Variants in KLRF1 observed in about 807,000 individuals in gnomAD.
The protein encoded by KLRF1 is killer cell lectin like receptor F1, also known as killer cell lectin-like receptor subfamily F member 1.
A neutral mutation model predicts 30.7 loss-of-function variants in KLRF1; 27 were observed. The observed-to-expected ratio is 0.88, with a 90% confidence interval of 0.65 to 1.21. The LOEUF (loss-of-function observed/expected upper bound fraction) is 1.21, where lower values mean the gene tolerates loss of function less well. KLRF1 is among the 50% of genes most tolerant of loss of function. The probability of loss-of-function intolerance (pLI) is 0.00; values close to 1 mark genes in which losing one functional copy is unlikely to be tolerated. For synonymous variants in KLRF1, 92 were observed against 89.3 expected (o/e 1.03, Z -0.17); for missense variants, 246 against 259.3 (o/e 0.95, Z 0.35).
At chr12:9,813,561 C>T in the KLRF1 span, among the ~76,000 whole-genome samples, 8 of 152,096 alleles carry the variant, frequency 5.3e-5, no homozygotes, top group Non-Finnish European at 1.2e-4. Flanking sequence ...AACATTTTTC[C>T]CCCGAGAGAG....
the KLRF1 span, among the ~76,000 whole-genome samples, chr12:9,805,483 T>C: frequency 6.6e-6 from 1 of 152,054 alleles, no homozygotes; most frequent in Non-Finnish European, 1.5e-5. Context: ...CACCTTTTAA[T>C]ACTATTGCGT....
the KLRF1 span, among the ~76,000 whole-genome samples, chr12:9,800,398 C>G: frequency 6.6e-6 from 1 of 151,996 alleles, no homozygotes; most frequent in African/African-American, 2.4e-5. Flanking sequence ...GATTTTATTA[C>G]ACTCATCAAT....
At chr12:9,820,385 G>C in the KLRF1 span, among the ~76,000 whole-genome samples, 20 of 152,294 alleles carry the variant, frequency 1.3e-4, no homozygotes, top group African/African-American at 2.9e-4. Context: ...CTCGCTGGGC[G>C]GGTCTTCTCA....
chr12:9,811,335 A>AAAAAAAAG, the KLRF1 span, among the ~76,000 whole-genome samples: 314 of 146,254 alleles, frequency 2.1e-3, 5 homozygotes, highest in South Asian at 4.9e-3. Flanking sequence ...AAAAAAAAAA[A>AAAAAAAAG]AGAGAGAAAA....
At chr12:9,800,904 G>A in the KLRF1 span, among the ~76,000 whole-genome samples, 1,900 of 151,906 alleles carry the variant, frequency 0.013, 53 homozygotes, top group African/African-American at 0.044. Flanking sequence ...ATAGGTATAC[G>A]TGTGCCATGG....
rs1317251034 is a variant in KLRF1, at chr12:9,844,651, C to G, written c.*125C>G. The G allele has an allele frequency of 2.9e-5, 17 of 578,648 alleles. No homozygotes were observed. The South Asian group carries it at 3.4e-4, about 12-fold the overall frequency. The allele number at this position is 578,648 out of a possible 1,614,324, so 35.8% of individuals were successfully genotyped here. ...AATGCCAAAATCTCTTCTCCCTTCTCCCTCCATCATCGACACTGGTCTAGC... is the reference window on the plus strand; with the variant it reads ...AATGCCAAAATCTCTTCTCCCTTCTGCCTCCATCATCGACACTGGTCTAGC... On this transcript the variant is annotated 3_prime_UTR_variant, in exon 6 of 6. Transcript: ENST00000617889.
At chr12:9,841,325 G>A (rs1241288845) in intron 3 of KLRF1, among the ~76,000 whole-genome samples, 3 of 151,966 alleles carry the variant, frequency 2.0e-5, no homozygotes, top group Admixed American at 6.6e-5. Context: ...GTGGAGGGTG[G>A]GAGGAGGGAG....
At chr12:9,827,804 CCT>C (rs1867314506) in intron 1 of KLRF1, among the ~76,000 whole-genome samples, 175 bp downstream of exon 1, 1 of 152,228 alleles carries the variant, frequency 6.6e-6, no homozygotes, top group African/African-American at 2.4e-5. Flanking sequence ...AAAATAACAA[CCT>C]CTCTTACCAT....
At chr12:9,828,071 G>A (rs752376855) in intron 1 of KLRF1, among the ~76,000 whole-genome samples, 1 of 151,538 alleles carries the variant, frequency 6.6e-6, no homozygotes, top group Non-Finnish European at 1.5e-5. Context: ...ATAGAATATG[G>A]TGTTTTAATG....
intron 2 of KLRF1, 33 bp from the exon 3 acceptor site, chr12:9,833,270 T>G (rs772362848): frequency 6.8e-6 from 10 of 1,478,982 alleles, no homozygotes; most frequent in Non-Finnish European, 9.1e-6. Context: ...AGAGAAGATA[T>G]TTACCTAACC....
chr12:9,809,070 A>G, the KLRF1 span, among the ~76,000 whole-genome samples: 1 of 152,210 alleles, frequency 6.6e-6, no homozygotes, highest in Non-Finnish European at 1.5e-5. Context: ...GAGTAATAGA[A>G]TCATAAACTC....
At chr12:9,835,059 G>A (rs1867541154) in intron 3 of KLRF1, among the ~76,000 whole-genome samples, 1 of 152,054 alleles carries the variant, frequency 6.6e-6, no homozygotes, top group Admixed American at 6.6e-5. Context: ...CAATAGTGGA[G>A]GCAGAAAGTC....
the KLRF1 span, among the ~76,000 whole-genome samples, chr12:9,815,591 G>A: frequency 1.3e-5 from 2 of 152,238 alleles, no homozygotes; most frequent in Non-Finnish European, 2.9e-5. Flanking sequence ...TGTACAAAGT[G>A]TGTGGATCAA....
chr12:9,819,610 C>A, the KLRF1 span, among the ~76,000 whole-genome samples: 1 of 152,156 alleles, frequency 6.6e-6, no homozygotes, highest in Non-Finnish European at 1.5e-5. Flanking sequence ...TCCACAACCA[C>A]CTCCACAAGT....
chr12:9,811,004 G>T, the KLRF1 span, among the ~76,000 whole-genome samples: 3 of 152,064 alleles, frequency 2.0e-5, no homozygotes, highest in African/African-American at 7.2e-5. Flanking sequence ...TGTAGATTAA[G>T]CCACACTTCC....
the KLRF1 span, among the ~76,000 whole-genome samples, chr12:9,813,953 A>G: frequency 6.6e-6 from 1 of 152,062 alleles, no homozygotes; most frequent in Non-Finnish European, 1.5e-5. Flanking sequence ...GGACCAGGCT[A>G]TTTGGAGCCC....
At chr12:9,812,134 GGC>G in the KLRF1 span, among the ~76,000 whole-genome samples, 1 of 152,180 alleles carries the variant, frequency 6.6e-6, no homozygotes, top group Non-Finnish European at 1.5e-5. Flanking sequence ...GGGAGGCCGA[GGC>G]GGGCGGATCA....
chr12:9,818,678 C>G, the KLRF1 span, among the ~76,000 whole-genome samples: 1 of 152,280 alleles, frequency 6.6e-6, no homozygotes, highest in East Asian at 1.9e-4. Context: ...TGGTTCCAGG[C>G]ATAGTCCATG....
At position 9,844,449 on chromosome 12, in the gene KLRF1, A is replaced by T; in HGVS notation, c.619A>T (p.Ser207Cys). The part of the protein sequence containing the change: ...FFIKGPAKEN[S>C]CAAIKESKIF... ...CATAAAGGGACCAGCTAAAGAAAAC[A>T]GCTGTGCTGCCATTAAGGAAAGCAA... The change falls in exon 6 of 6, where the codon AGC becomes TGC. Residue 207 changes from serine (S) to cysteine (C), a missense_variant. By Grantham distance (112) the Ser-to-Cys change is moderately radical. Transcript: ENST00000617889. 6.2e-7 allele frequency: 1 copy of T among 1,608,058 alleles called. No individual in the cohort carries two copies. The highest frequency in any genetic ancestry group is 8.5e-7 in the Non-Finnish European group (1 of 1,175,104).
Sources: allele counts gnomAD v4.1 joint callset (sites outside exome capture counted in the v4.1 genomes callset), GRCh38; gene constraint gnomAD v4.1.1; transcripts MANE v1.5; gene names NCBI Gene and HGNC (gene_info 2026-07-23, HGNC 2026-07-21).